MRC1: variants seen among roughly 807,000 people sequenced by gnomAD.
MRC1 encodes the protein macrophage mannose receptor 1.
Under a neutral mutation model 102.9 loss-of-function variants are expected in MRC1, and 62 were observed. That is an observed-to-expected ratio of 0.60 (90% CI 0.49 to 0.74). The LOEUF (loss-of-function observed/expected upper bound fraction) is 0.74. MRC1 is among the 30% of genes least tolerant of loss of function. The pLI, the probability that MRC1 is intolerant of heterozygous loss-of-function variation, is 0.00. For missense variants in MRC1, 1,237 were observed against 862.8 expected, an observed-to-expected ratio of 1.43 and a Z score of -5.43; for synonymous variants, 457 against 298.4, an observed-to-expected ratio of 1.53 and a Z score of -5.48.
intron 1 of MRC1, among the ~76,000 whole-genome samples, chr10:17,821,891 A>G (rs1176683709): frequency 1.3e-5 from 2 of 152,214 alleles, no homozygotes; most frequent in African/African-American, 4.8e-5. Flanking sequence ...TGAAAGAACA[A>G]GGTGAATGCA....
At chr10:17,836,836 A>T (rs1838672380) in intron 4 of MRC1, among the ~76,000 whole-genome samples, 1 of 152,124 alleles carries the variant, frequency 6.6e-6, no homozygotes, top group Non-Finnish European at 1.5e-5. Context: ...AACTCGTCTC[A>T]AAAATAAATA....
At chr10:17,832,887 C>G (rs1386663943) in intron 3 of MRC1, among the ~76,000 whole-genome samples, 1 of 152,098 alleles carries the variant, frequency 6.6e-6, no homozygotes, top group African/African-American at 2.4e-5. Context: ...CTGTGCCCGG[C>G]TATTTTTATT....
chr10:17,832,643 A>C (rs1299152274), intron 3 of MRC1, among the ~76,000 whole-genome samples: 1 of 147,256 alleles, frequency 6.8e-6, no homozygotes, highest in Non-Finnish European at 1.5e-5. Context: ...GCTGGAGTGC[A>C]GTGACGCGAT....
At chr10:17,822,935 C>A in intron 1 of MRC1, 139 bp from the exon 2 acceptor site, 1 of 667,932 alleles carries the variant, frequency 1.5e-6, no homozygotes, top group South Asian at 1.8e-5. Context: ...GTCATCAGTA[C>A]CTCTTTTCCT....
At chr10:17,809,990 TC>T (rs1838198652) in intron 1 of MRC1, among the ~76,000 whole-genome samples, 2 of 151,988 alleles carry the variant, frequency 1.3e-5, no homozygotes, top group African/African-American at 4.8e-5. Context: ...TCGCAGATCA[TC>T]CCCCCAAAAG....
chr10:17,877,283 A>G (rs1833449694), intron 17 of MRC1, among the ~76,000 whole-genome samples: 1 of 148,084 alleles, frequency 6.8e-6, no homozygotes, highest in South Asian at 2.1e-4. Context: ...TATATAAAAT[A>G]AATACTTAAA....
intron 1 of MRC1, among the ~76,000 whole-genome samples, chr10:17,815,062 T>C (rs2461145): frequency 0.47 from 71,279 of 151,966 alleles, 16,886 homozygotes; most frequent in Non-Finnish European, 0.5. Context: ...TTTTGCCAAG[T>C]TAACAATAAT....
At chr10:17,873,763 T>C in intron 15 of MRC1, 21 bp from the exon 16 acceptor site, 1 of 872,146 alleles carries the variant, frequency 1.1e-6, no homozygotes, top group East Asian at 2.4e-5. Context: ...ACTTTATTTC[T>C]ATTTTTCTCT....
At position 17,867,260 on chromosome 10, in the gene MRC1, TTCC is replaced by T. The variant is rs1217914381; in HGVS notation, c.1983+511_1983+513del. Among the ~76,000 whole-genome samples the T allele has an allele frequency of 1.2e-4, 17 of 141,084 alleles. 1 individual carries two copies. The South Asian group carries it at 1.8e-3, about 15-fold the overall frequency. The allele number at this position is 141,084 out of a possible 152,430, so 92.6% of individuals were successfully genotyped here. A position where few individuals can be genotyped will look rare whatever the true frequency, so the allele number is the denominator to read the frequency against. On this transcript the variant is annotated intron_variant, in intron 12 of 29. Coordinates refer to ENST00000569591, the MANE Select transcript of MRC1 (RefSeq NM_002438.4). ...CTCTCTCCCCCTTCCCCCTTTCCCCTTCCTCCTCCTCCTCTTCTTCTTCCTTCT... is the reference window on the plus strand; with the variant it reads ...CTCTCTCCCCCTTCCCCCTTTCCCCTTCCTCCTCCTCTTCTTCTTCCTTCT...
intron 23 of MRC1, among the ~76,000 whole-genome samples, chr10:17,894,701 A>G (rs1351601940): frequency 6.6e-6 from 1 of 151,690 alleles, no homozygotes; most frequent in South Asian, 2.1e-4. Flanking sequence ...GCCTGACCTC[A>G]CTTTTATTTT....
chr10:17,877,146 A>C (rs927036041), intron 17 of MRC1, among the ~76,000 whole-genome samples: 9 of 149,190 alleles, frequency 6.0e-5, no homozygotes, highest in Non-Finnish European at 1.2e-4. Flanking sequence ...TGAAATTAAT[A>C]CATTTTGGGG....
intron 22 of MRC1, among the ~76,000 whole-genome samples, chr10:17,886,694 G>A (rs1225951268): frequency 3.9e-5 from 6 of 152,084 alleles, no homozygotes; most frequent in South Asian, 2.1e-4. Context: ...GAGCCACCAC[G>A]CCCATTCAGG....
chr10:17,813,320 A>G (rs1006924542), intron 1 of MRC1, among the ~76,000 whole-genome samples: 8 of 152,208 alleles, frequency 5.3e-5, no homozygotes, highest in Non-Finnish European at 1.0e-4. Context: ...TGACATAGAC[A>G]TCACGCTAAT....
In MRC1 at chr10:17,812,806, C is replaced by T. The variant is rs1054431956; in HGVS notation, c.61+3280C>T. 7.2e-5 allele frequency among the ~76,000 whole-genome samples: 11 copies of T among 152,064 alleles called. No individual in the cohort carries two copies. The South Asian group carries it at 1.7e-3, about 23-fold the overall frequency. On this transcript the variant is annotated intron_variant, in intron 1 of 29. Coordinates refer to ENST00000569591, the MANE Select transcript of MRC1 (RefSeq NM_002438.4). The stretch of plus-strand genomic sequence containing the variant: ...CAGGCTGGTCTTGAACTCCTGACCT[C>T]GTGATCTGCCCACCTTAGCCTCCCA...
chr10:17,867,550 G>A (rs1042236903), intron 12 of MRC1, among the ~76,000 whole-genome samples: 2 of 151,934 alleles, frequency 1.3e-5, no homozygotes, highest in Admixed American at 1.3e-4. Context: ...AGCCTCCCAA[G>A]TAGCTACAGA....
intron 4 of MRC1, among the ~76,000 whole-genome samples, chr10:17,836,892 T>A (rs1554839505): frequency 1.3e-5 from 2 of 151,240 alleles, no homozygotes; most frequent in African/African-American, 4.9e-5. Context: ...ATATCAGAGG[T>A]GCAGAGGTGA....
chr10:17,871,470 C>G (rs1193781222), intron 14 of MRC1, among the ~76,000 whole-genome samples: 2 of 152,184 alleles, frequency 1.3e-5, no homozygotes, highest in Non-Finnish European at 2.9e-5. Flanking sequence ...GACCCAGGGC[C>G]TCCGTTTGTT....
intron 22 of MRC1, among the ~76,000 whole-genome samples, chr10:17,892,748 A>G (rs1833697355): frequency 6.6e-6 from 1 of 152,192 alleles, no homozygotes; most frequent in Non-Finnish European, 1.5e-5. Flanking sequence ...GTGGTGGCTC[A>G]TGCCTGTAAT....
rs1589198965 is a variant in MRC1 at position 17,910,254 on chromosome 10, A to T, written c.4160A>T (p.Asn1387Ile). The T allele has an allele frequency of 7.7e-6, 6 of 780,882 alleles. No individual in the cohort carries two copies. The highest frequency in any genetic ancestry group is 1.4e-5 in the Non-Finnish European group (6 of 417,950). 48.4% of individuals were successfully genotyped at this position (780,882 alleles called of 1,614,324 possible). The change falls in exon 30 of 30, where the codon AAC (asparagine) becomes ATC (isoleucine). Residue 1387 changes from asparagine (N) to isoleucine (I), a missense_variant. Physicochemically the swap from Asn to Ile is moderately radical, Grantham distance 149. Transcript: ENST00000569591. ...ATGGACCCTTCTAAACCGTCTTCCA[A>T]CGTGGCCGGAGTAGTCATCATTGTG... Reference protein sequence around the residue: ...RKMDPSKPSSNVAGVVIIVIL... With the variant: ...RKMDPSKPSSIVAGVVIIVIL...
Sources: allele counts gnomAD v4.1 joint callset (sites outside exome capture counted in the v4.1 genomes callset), GRCh38; gene constraint gnomAD v4.1.1; transcripts MANE v1.5; gene names NCBI Gene and HGNC (gene_info 2026-07-23, HGNC 2026-07-21).